Variants in RAPH1 observed in about 807,000 individuals in gnomAD.
The protein encoded by RAPH1 is ras-associated and pleckstrin homology domains-containing protein 1.
Under a neutral mutation model 88.1 loss-of-function variants are expected in RAPH1, and 18 were observed. The observed-to-expected ratio is 0.20, with a 90% CI of 0.14 to 0.30. The LOEUF (loss-of-function observed/expected upper bound fraction) is 0.30. Among genes scored for constraint, RAPH1 ranks in the 10% least tolerant of loss-of-function variants. The pLI is 1.00. For missense variants in RAPH1, 1,448 were observed against 1,543.2 expected (o/e 0.94, Z 1.03); for synonymous variants, 587 against 559.0 (o/e 1.05, Z -0.71).
Position 203,454,534 on chromosome 2 carries a change from G to T in RAPH1, c.1309C>A (p.Arg437=). 6.2e-7 allele frequency: 1 copy of T among 1,610,896 alleles called. No homozygotes were observed. The highest frequency in any genetic ancestry group is 8.5e-7 in the Non-Finnish European group (1 of 1,177,992). ...YVPKGKAKVS[R]DLVCFLQLDH... ...AGCTGGAGAAAGCACACCAGATCCC[G>T]AGAGACCTAAGATAAAAACACCAAA... Residue 437 remains arginine, a synonymous_variant, in exon 10 of 14, where the codon CGG becomes AGG. Coordinates refer to ENST00000319170, the MANE Select transcript of RAPH1 (RefSeq NM_213589.3).
In RAPH1 at chr2:203,458,373, AAAAC is replaced by A. The variant is rs202237312; in HGVS notation, c.1093-782_1093-779del. On this transcript the variant is annotated intron_variant, in intron 7 of 13. Transcript: ENST00000319170. The stretch of plus-strand genomic sequence containing the variant: ...GAGACTCCATCTCAAAAAAAAACAA[AAAAC>A]AAACAAACAAAAAAATCAAACTGAA... 7.7e-3 allele frequency among the ~76,000 whole-genome samples: 1,170 copies of A among 152,236 alleles called. 11 individuals are homozygous for A. The highest frequency in any genetic ancestry group is 0.026 in the African/African-American group (1,070 of 41,532).
At chr2:203,525,997 G>A (rs1048918517) in intron 1 of RAPH1, among the ~76,000 whole-genome samples, 4 of 149,888 alleles carry the variant, frequency 2.7e-5, no homozygotes, top group East Asian at 1.9e-4. Context: ...GAGGTGTTCC[G>A]AAAAAAAATA....
At chr2:203,500,621 C>T (rs952131947) in intron 1 of RAPH1, among the ~76,000 whole-genome samples, 8 of 152,164 alleles carry the variant, frequency 5.3e-5, no homozygotes, top group Non-Finnish European at 7.4e-5. Flanking sequence ...GGAATATTTT[C>T]AACAAGTTAC....
intron 1 of RAPH1, among the ~76,000 whole-genome samples, chr2:203,506,575 T>C (rs1400298172): frequency 6.6e-6 from 1 of 150,884 alleles, no homozygotes; most frequent in Non-Finnish European, 1.5e-5. Context: ...GAACATCATC[T>C]AGTGGCAAAA....
At chr2:203,456,747 G>T (rs1211688609) in intron 8 of RAPH1, among the ~76,000 whole-genome samples, 10 of 152,042 alleles carry the variant, frequency 6.6e-5, no homozygotes, top group Admixed American at 3.3e-4. Context: ...GTTTATTCAG[G>T]TTTTCAAGTA....
chr2:203,491,344 T>A, intron 2 of RAPH1, 25 bp from the exon 3 acceptor site: 1 of 1,419,256 alleles, frequency 7.0e-7, no homozygotes, highest in Middle Eastern at 1.8e-4. Flanking sequence ...AGTTTAATAG[T>A]CATATTAAAT....
intron 2 of RAPH1, among the ~76,000 whole-genome samples, chr2:203,493,983 AAAAAAAAAAAAAAAAG>A (rs1688391148): frequency 6.7e-6 from 1 of 148,854 alleles, no homozygotes; most frequent in African/African-American, 2.5e-5. Context: ...AAAAAAAAAA[AAAAAAAAAAAAAAAAG>A]AAAAAAGAAA....
rs2098501669 is a variant in RAPH1 at position 203,439,863 on chromosome 2, T to C, written c.3327A>G (p.Gln1109=). Residue 1109 remains glutamine (Q), a synonymous_variant, in exon 14 of 14, where the codon CAA becomes CAG. Transcript: ENST00000319170. Reference sequence around the variant, plus strand: ...TCTTCACTGACATTTTAGACCATTGTTGTGGTTGAGGATTAACGACTGCCA... The same window carrying C: ...TCTTCACTGACATTTTAGACCATTGCTGTGGTTGAGGATTAACGACTGCCA... The part of the protein sequence containing the change: ...PKVAVVNPQP[Q]QWSKMSVKKA... The C allele has an allele frequency of 1.9e-6, 3 of 1,613,872 alleles. No individual in the cohort carries two copies. In the East Asian group the frequency reaches 6.7e-5, roughly 36 times the overall value.
At chr2:203,527,898 G>A (rs896618341) in intron 1 of RAPH1, among the ~76,000 whole-genome samples, 24 of 151,890 alleles carry the variant, frequency 1.6e-4, no homozygotes, top group Non-Finnish European at 3.1e-4. Flanking sequence ...TGGAGGAGAG[G>A]GTAAGGTTTA....
intron 1 of RAPH1, among the ~76,000 whole-genome samples, chr2:203,510,412 G>A (rs7577073): frequency 0.025 from 3,783 of 150,656 alleles, 180 homozygotes; most frequent in African/African-American, 0.087. Flanking sequence ...ACCAAAGGCT[G>A]TAGTAGAGGT....
chr2:203,445,452 G>C (rs997187135), intron 12 of RAPH1: 1 of 154,786 alleles, frequency 6.5e-6, no homozygotes, highest in African/African-American at 2.4e-5. Flanking sequence ...TATACACAAT[G>C]ATTATTTCCT....
At chr2:203,517,044 AAAAT>A (rs1689644641) in intron 1 of RAPH1, among the ~76,000 whole-genome samples, 2 of 149,960 alleles carry the variant, frequency 1.3e-5, no homozygotes, top group Non-Finnish European at 1.5e-5. Flanking sequence ...TCAAAAAAAA[AAAAT>A]AAAGAAAGAA....
intron 4 of RAPH1, among the ~76,000 whole-genome samples, chr2:203,476,106 TTTAG>T (rs1421879962): frequency 6.6e-6 from 1 of 152,178 alleles, no homozygotes; most frequent in African/African-American, 2.4e-5. Flanking sequence ...ATTCATATAT[TTTAG>T]TTAACCAAAA....
At chr2:203,477,302 C>T in intron 4 of RAPH1, 2 of 639,468 alleles carry the variant, frequency 3.1e-6, no homozygotes. Flanking sequence ...CATGCAATTA[C>T]CTTTCATTCT....
chr2:203,438,125 C>T lies in RAPH1; in HGVS notation c.*1312G>A. 5.8e-6 allele frequency: 3 copies of T among 518,486 alleles called. No individual in the cohort carries two copies. The highest frequency in any genetic ancestry group is 5.4e-5 in the East Asian group (1 of 18,358). The allele number at this position is 518,486 out of a possible 1,614,324, so 32.1% of individuals were successfully genotyped here. ...GTTACTGGACTTGGACTGTCCCACT[C>T]CATCAGAACACCTAGTAACCTGAAC... is the stretch of plus-strand genomic sequence containing the variant. On this transcript the variant is annotated 3_prime_UTR_variant, in exon 14 of 14. Coordinates refer to ENST00000319170, the MANE Select transcript of RAPH1 (RefSeq NM_213589.3).
chr2:203,492,102 C>T (rs2259850), intron 2 of RAPH1, among the ~76,000 whole-genome samples: 16,103 of 151,678 alleles, frequency 0.11, 1,762 homozygotes, highest in African/African-American at 0.28. Context: ...GGCACAGTGG[C>T]GGGCGCCTGT....
chr2:203,512,257 T>G (rs1230979057), intron 1 of RAPH1, among the ~76,000 whole-genome samples: 1 of 150,366 alleles, frequency 6.7e-6, no homozygotes, highest in Non-Finnish European at 1.5e-5. Context: ...GACGAAACCC[T>G]GTCTCTACTA....
rs1207385697 is a variant in RAPH1, at chr2:203,441,030, G to A, written c.2160C>T (p.Thr720=). 1 of 1,519,132 alleles carries A rather than the reference G, an allele frequency of 6.6e-7. No homozygotes were observed. Among genetic ancestry groups the A allele is most frequent in the Admixed American group, 1.7e-5 (1 of 58,144 alleles). 94.1% of individuals were successfully genotyped at this position (1,519,132 alleles called of 1,614,324 possible). Residue 720 remains threonine (T), a synonymous_variant, in exon 14 of 14, where the codon ACC becomes ACT. Coordinates refer to ENST00000319170, the MANE Select transcript of RAPH1 (RefSeq NM_213589.3). The part of the protein sequence containing the change: ...PPPPPPPPPP[T]PGSAMAQLKP... ...TTAGCTGGGCCATGGCAGAGCCTGG[G>A]GTTGGGGGTGGAGGAGGGGGAGGGG...
At position 203,459,896 on chromosome 2, in the gene RAPH1, T is replaced by A; in HGVS notation, c.1092+11A>T. 1 of 1,608,922 alleles carries A rather than the reference T, an allele frequency of 6.2e-7. No individual in the cohort carries two copies. The highest frequency in any genetic ancestry group is 8.5e-7 in the Non-Finnish European group (1 of 1,178,374). ...TACAAATCCTGACCTCTGTAAGTTGTTTGGTCTTACCTGTGGGTTTTTGAA... is the reference window on the plus strand; with the variant it reads ...TACAAATCCTGACCTCTGTAAGTTGATTGGTCTTACCTGTGGGTTTTTGAA... On this transcript the variant is annotated intron_variant, in intron 7 of 13. Transcript: ENST00000319170.
Sources: allele counts gnomAD v4.1 joint callset (sites outside exome capture counted in the v4.1 genomes callset), GRCh38; gene constraint gnomAD v4.1.1; transcripts MANE v1.5; gene names NCBI Gene and HGNC (gene_info 2026-07-23, HGNC 2026-07-21).